Variants in ARHGEF18 observed in about 807,000 individuals in gnomAD.
The protein encoded by ARHGEF18 is rho guanine nucleotide exchange factor 18.
In ARHGEF18, 93 loss-of-function variants were observed where a neutral mutation model predicts 155.7. That is an observed-to-expected ratio of 0.60 (90% CI 0.50 to 0.71). The LOEUF is 0.71. ARHGEF18 is among the 30% of genes least tolerant of loss of function. The pLI, the probability that ARHGEF18 is intolerant of heterozygous loss-of-function variation, is 0.00. For synonymous variants in ARHGEF18, 742 were observed against 753.1 expected (o/e 0.99, Z 0.24); for missense variants, 1,593 against 1,816.1 (o/e 0.88, Z 2.23).
chr19:7,471,117 G>C lies in ARHGEF18; in HGVS notation c.*819G>C, dbSNP rs1976996584. 1 of 293,544 alleles carries C rather than the reference G, an allele frequency of 3.4e-6. No individual in the cohort carries two copies. Among genetic ancestry groups the C allele is most frequent in the Non-Finnish European group, 6.3e-6 (1 of 159,776 alleles). 18.2% of individuals were successfully genotyped at this position (293,544 alleles called of 1,614,324 possible). On this transcript the variant is annotated 3_prime_UTR_variant, in exon 29 of 29. Coordinates refer to ENST00000668164, the MANE Select transcript of ARHGEF18 (RefSeq NM_001367823.1). The surrounding 1 kb of genome is among the most constrained non-coding windows in gnomAD (Gnocchi z 4.4). ...CTGGGGGAGCGGGCCTCTAGCTTCA[G>C]CCAGGGCGGGTACACACCCTGGGCA...
chr19:7,386,222 C>G (rs1971065788), intron 10 of ARHGEF18, among the ~76,000 whole-genome samples: 1 of 134,196 alleles, frequency 7.5e-6, no homozygotes, highest in Non-Finnish European at 1.6e-5. Flanking sequence ...GAGACGGGCT[C>G]TTGCTATGTT....
chr19:7,448,281 A>G (rs941439947), intron 15 of ARHGEF18, among the ~76,000 whole-genome samples: 3 of 152,200 alleles, frequency 2.0e-5, no homozygotes, highest in Non-Finnish European at 4.4e-5. Context: ...TTGGGAGGCC[A>G]AGGCGGGCAG....
At chr19:7,461,124 A>G (rs971173705) in intron 20 of ARHGEF18, among the ~76,000 whole-genome samples, 4 of 151,730 alleles carry the variant, frequency 2.6e-5, no homozygotes, top group Admixed American at 2.0e-4. Flanking sequence ...ATACTCAAAC[A>G]ATAAGTGGCC....
intron 15 of ARHGEF18, among the ~76,000 whole-genome samples, chr19:7,450,127 A>T (rs775583392): frequency 4.3e-4 from 62 of 144,680 alleles, no homozygotes; most frequent in Non-Finnish European, 8.4e-4. Context: ...ATTGGGCAGA[A>T]ACCGAGATGT....
At chr19:7,414,390 T>C (rs1486533553) in intron 10 of ARHGEF18, among the ~76,000 whole-genome samples, 1 of 152,032 alleles carries the variant, frequency 6.6e-6, no homozygotes. Flanking sequence ...TAATACTAGT[T>C]TGAGGGCCAG....
chr19:7,435,109 G>A (rs34678172), intron 10 of ARHGEF18, among the ~76,000 whole-genome samples: 28,868 of 151,930 alleles, frequency 0.19, 3,027 homozygotes, highest in Non-Finnish European at 0.23. Context: ...GGCTGAGGCA[G>A]AATGACTTGA....
intron 10 of ARHGEF18, chr19:7,439,979 C>T (rs1420514177): frequency 1.3e-6 from 2 of 1,545,520 alleles, no homozygotes; most frequent in East Asian, 4.9e-5. Flanking sequence ...CCTCCAGACC[C>T]GCTGCTTCAG....
intron 12 of ARHGEF18, 69 bp downstream of exon 12, chr19:7,441,834 G>A (rs958648710): frequency 2.8e-5 from 45 of 1,612,088 alleles, no homozygotes; most frequent in Non-Finnish European, 3.7e-5. Context: ...GCTGGGGCTC[G>A]TGTCAGCATG....
At position 7,383,100 on chromosome 19, in the gene ARHGEF18, T is replaced by G. The variant is rs1970824823; in HGVS notation, c.864T>G (p.Asp288Glu). ...CACATCTGAAGGACAAGGGCCAGGA[T>G]GCACGAGAGAGGCGGGAGTGTGTCA... is the stretch of plus-strand genomic sequence containing the variant. ...SPAHLKDKGQ[D>E]ARERRECVNG... The change falls in exon 10 of 29, where the codon GAT (aspartate) becomes GAG (glutamate). Residue 288 changes from aspartate (D) to glutamate (E), a missense_variant. Asp to Glu is a conservative substitution (Grantham distance 45, BLOSUM62 2). Transcript: ENST00000668164. 3 of 1,232,386 alleles carry G rather than the reference T, an allele frequency of 2.4e-6. No individual in the cohort carries two copies. The East Asian group carries it at 9.5e-5, about 39-fold the overall frequency. 76.3% of individuals were successfully genotyped at this position (1,232,386 alleles called of 1,614,324 possible). A position where few individuals can be genotyped will look rare whatever the true frequency, so the allele number is the denominator to read the frequency against.
At chr19:7,412,172 A>G (rs1241775486) in intron 10 of ARHGEF18, among the ~76,000 whole-genome samples, 1 of 150,642 alleles carries the variant, frequency 6.6e-6, no homozygotes, top group Admixed American at 6.6e-5. Context: ...AGTAGCTGGG[A>G]TTACAGGGGC....
At chr19:7,352,832 CTTTTTTTT>C (rs587602037) in intron 1 of ARHGEF18, among the ~76,000 whole-genome samples, 1 of 49,876 alleles carries the variant, frequency 2.0e-5, no homozygotes, top group African/African-American at 7.7e-5. Context: ...CGTGCCTGGC[CTTTTTTTT>C]TTTTTTTTTT....
intron 16 of ARHGEF18, 134 bp downstream of exon 16, chr19:7,451,400 C>CT: frequency 1.7e-6 from 1 of 601,006 alleles, no homozygotes; most frequent in Non-Finnish European, 2.7e-6. Context: ...GCTGGGGTTC[C>CT]TTCCTTTTTT....
intron 10 of ARHGEF18, among the ~76,000 whole-genome samples, chr19:7,411,200 C>T (rs1164063276): frequency 6.6e-6 from 1 of 152,070 alleles, no homozygotes; most frequent in Non-Finnish European, 1.5e-5. Context: ...AATGAAGTTG[C>T]ACACCAAGCT....
At position 7,419,371 on chromosome 19, in the gene ARHGEF18, GC is replaced by G. The variant is rs1226074121; in HGVS notation, c.968-20968del. On this transcript the variant is annotated intron_variant, in intron 10 of 28. Coordinates refer to ENST00000668164, the MANE Select transcript of ARHGEF18 (RefSeq NM_001367823.1). ...CCGCACCCCAGATGCGCCCACACTT[GC>G]CCCCTGCACCCAGATGCACCCACAC... Among the ~76,000 whole-genome samples the G allele has an allele frequency of 3.4e-5, 5 of 146,876 alleles. No homozygotes were observed. In the East Asian group the frequency reaches 1.0e-3, roughly 30 times the overall value.
At chr19:7,386,641 G>C (rs1971096181) in intron 10 of ARHGEF18, among the ~76,000 whole-genome samples, 1 of 152,074 alleles carries the variant, frequency 6.6e-6, no homozygotes, top group African/African-American at 2.4e-5. Context: ...TGTGCCCCGG[G>C]CAGCAGAAAG....
At chr19:7,453,212 C>T (rs573584168) in intron 16 of ARHGEF18, among the ~76,000 whole-genome samples, 3 of 151,828 alleles carry the variant, frequency 2.0e-5, no homozygotes, top group Non-Finnish European at 2.9e-5. Flanking sequence ...CCCTCCCCCC[C>T]CCAAAAAAAA....
At chr19:7,454,289 T>TGATG (rs746570454) in intron 17 of ARHGEF18, among the ~76,000 whole-genome samples, 6 of 152,044 alleles carry the variant, frequency 3.9e-5, no homozygotes, top group Non-Finnish European at 7.4e-5. Context: ...GTCTTAGGAA[T>TGATG]GATGGCACCA....
chr19:7,440,268 C>T lies in ARHGEF18; in HGVS notation c.968-76C>T, dbSNP rs576729791. 20 of 1,559,390 alleles carry T rather than the reference C, an allele frequency of 1.3e-5. No individual in the cohort carries two copies. In the Admixed American group the frequency reaches 1.8e-4, roughly 14 times the overall value. ...GTCTGTGCTGCGGCCGCAGTCGGAG[C>T]GGGGCTTCCGCGCCGGGGACCTCCG... On this transcript the variant is annotated intron_variant, in intron 10 of 28. Transcript: ENST00000668164. The surrounding 1 kb of genome is among the most constrained non-coding windows in gnomAD (Gnocchi z 5.4).
rs368950567 is a variant in ARHGEF18, at chr19:7,468,682, A to G, written c.3481-143A>G. ...ATTTAGCAGGGGTTGGGGACGGGCA[A>G]TGACCAGCAGCTCCTTCAGGCTGCA... is the stretch of plus-strand genomic sequence containing the variant. On this transcript the variant is annotated intron_variant, in intron 26 of 28. Transcript: ENST00000668164. 24 of 923,844 alleles carry G rather than the reference A, an allele frequency of 2.6e-5. No individual in the cohort carries two copies. In the African/African-American group the frequency reaches 3.0e-4, roughly 12 times the overall value. The allele number at this position is 923,844 out of a possible 1,614,324, so 57.2% of individuals were successfully genotyped here.
Sources: allele counts gnomAD v4.1 joint callset (sites outside exome capture counted in the v4.1 genomes callset), GRCh38; gene constraint gnomAD v4.1.1; non-coding constraint Gnocchi (gnomAD v3.1); transcripts MANE v1.5; gene names NCBI Gene and HGNC (gene_info 2026-07-23, HGNC 2026-07-21).